The following AGBL4 variants were observed in gnomAD, a reference collection of about 807,000 sequenced individuals.
The protein encoded by AGBL4 is AGBL carboxypeptidase 4, also known as cytosolic carboxypeptidase 6.
In AGBL4, 58 loss-of-function variants were observed where a neutral mutation model predicts 66.4. That is an observed-to-expected ratio of 0.87 (90% confidence interval 0.71 to 1.09). The LOEUF (loss-of-function observed/expected upper bound fraction) is 1.09. AGBL4 is among the 50% of genes least tolerant of loss of function. AGBL4 has a pLI of 0.00. For missense variants in AGBL4, 579 were observed against 631.0 expected (o/e 0.92, Z 0.88); for synonymous variants, 234 against 222.9 (o/e 1.05, Z -0.44).
rs1652736858 is a variant in AGBL4, at chr1:49,258,248, C to G, written c.283-12384G>C. Among the ~76,000 whole-genome samples, 7 of 152,296 alleles carry G rather than the reference C, an allele frequency of 4.6e-5. No homozygotes were observed. In the South Asian group the frequency reaches 1.4e-3, roughly 32 times the overall value. The stretch of plus-strand genomic sequence containing the variant: ...AATGGAAACTCTAAAAAGCAGAGCG[C>G]CTCTCCTCCTCCAAAGGAACGCAGT... On this transcript the variant is annotated intron_variant, in intron 3 of 13. Transcript: ENST00000371839.
At chr1:49,715,108 C>T (rs1427574126) in intron 2 of AGBL4, among the ~76,000 whole-genome samples, 1 of 152,070 alleles carries the variant, frequency 6.6e-6, no homozygotes, top group Non-Finnish European at 1.5e-5. Context: ...TAATGCTATC[C>T]CTCCCCTAGC....
At chr1:48,619,536 C>T (rs1645374436) in intron 9 of AGBL4, among the ~76,000 whole-genome samples, 1 of 152,162 alleles carries the variant, frequency 6.6e-6, no homozygotes, top group Non-Finnish European at 1.5e-5. Context: ...TCTGCAGGGT[C>T]CTGAAGCCCT....
chr1:48,841,149 C>T (rs1259626598), intron 6 of AGBL4, among the ~76,000 whole-genome samples: 1 of 152,090 alleles, frequency 6.6e-6, no homozygotes, highest in Non-Finnish European at 1.5e-5. Context: ...ACAAGGGAGT[C>T]TTCTAGGGTG....
At chr1:49,144,447 TGGAGG>T (rs1329144417) in intron 4 of AGBL4, among the ~76,000 whole-genome samples, 7 of 142,286 alleles carry the variant, frequency 4.9e-5, no homozygotes, top group South Asian at 4.7e-4. Flanking sequence ...GGAAAGGAAA[TGGAGG>T]GGAGGGGAGG....
intron 3 of AGBL4, among the ~76,000 whole-genome samples, chr1:49,671,581 T>C (rs1240520589): frequency 6.6e-6 from 1 of 152,086 alleles, no homozygotes. Context: ...TTGCAAACTA[T>C]GCATCTGACA....
intron 4 of AGBL4, among the ~76,000 whole-genome samples, chr1:49,081,061 T>C (rs1265104692): frequency 6.6e-6 from 1 of 152,194 alleles, no homozygotes; most frequent in Non-Finnish European, 1.5e-5. Flanking sequence ...ATAGAAGTGC[T>C]GTTATAATGT....
chr1:49,601,870 A>G (rs973093533), intron 3 of AGBL4, among the ~76,000 whole-genome samples: 5 of 152,208 alleles, frequency 3.3e-5, no homozygotes, highest in African/African-American at 1.2e-4. Flanking sequence ...ATTAAACTAA[A>G]GAGCTTCTGC....
intron 3 of AGBL4, among the ~76,000 whole-genome samples, chr1:49,395,754 T>TATATACACACAC (rs1422589062): frequency 1.1e-4 from 16 of 143,134 alleles, no homozygotes; most frequent in Admixed American, 2.8e-4. Context: ...TATGTATATA[T>TATATACACACAC]ATATATATAC....
chr1:48,900,070 G>A (rs954039752), intron 5 of AGBL4, among the ~76,000 whole-genome samples: 4 of 152,152 alleles, frequency 2.6e-5, no homozygotes, highest in Non-Finnish European at 5.9e-5. Flanking sequence ...TGAGTGGGGT[G>A]GGGTTGGAGT....
At chr1:48,799,183 T>G (rs548798759) in intron 6 of AGBL4, among the ~76,000 whole-genome samples, 1 of 152,240 alleles carries the variant, frequency 6.6e-6, no homozygotes, top group Non-Finnish European at 1.5e-5. Context: ...GTTTCATCTG[T>G]GATTTCTTTC....
At chr1:48,966,180 C>G (rs1366874541) in intron 5 of AGBL4, among the ~76,000 whole-genome samples, 1 of 152,130 alleles carries the variant, frequency 6.6e-6, no homozygotes, top group Non-Finnish European at 1.5e-5. Context: ...CCCATGCTTT[C>G]TTCTAATCCA....
chr1:49,831,476 T>C (rs1035409464), intron 2 of AGBL4, among the ~76,000 whole-genome samples: 2 of 152,230 alleles, frequency 1.3e-5, no homozygotes, highest in Admixed American at 1.3e-4. Context: ...GAGACTTTGC[T>C]GAAGTTGCTT....
intron 11 of AGBL4, among the ~76,000 whole-genome samples, chr1:48,559,980 C>A (rs1644373189): frequency 1.3e-5 from 2 of 152,106 alleles, no homozygotes; most frequent in Non-Finnish European, 2.9e-5. Flanking sequence ...CTTTCACCTG[C>A]AGCATCCAGC....
chr1:49,637,541 G>C (rs1645699953), intron 3 of AGBL4, among the ~76,000 whole-genome samples: 1 of 152,136 alleles, frequency 6.6e-6, no homozygotes, highest in African/African-American at 2.4e-5. Flanking sequence ...GACCTCAGGC[G>C]ATCTGCATGC....
At chr1:49,508,123 T>A (rs912731611) in intron 3 of AGBL4, among the ~76,000 whole-genome samples, 37 of 151,970 alleles carry the variant, frequency 2.4e-4, no homozygotes, top group Admixed American at 2.4e-3. Flanking sequence ...ATCAATATTT[T>A]AATACATAAT....
intron 11 of AGBL4, among the ~76,000 whole-genome samples, chr1:48,550,553 C>A (rs950422565): frequency 3.9e-5 from 6 of 152,144 alleles, no homozygotes; most frequent in African/African-American, 1.2e-4. Flanking sequence ...TTAACCATAA[C>A]ATTTACAAAG....
At chr1:49,588,874 C>A (rs1359101620) in intron 3 of AGBL4, among the ~76,000 whole-genome samples, 2 of 152,096 alleles carry the variant, frequency 1.3e-5, no homozygotes, top group Non-Finnish European at 2.9e-5. Context: ...TTAACTTAAC[C>A]AAGACCACAT....
At chr1:48,628,211 C>T (rs1051917863) in intron 9 of AGBL4, among the ~76,000 whole-genome samples, 1 of 151,978 alleles carries the variant, frequency 6.6e-6, no homozygotes, top group Non-Finnish European at 1.5e-5. Flanking sequence ...TAATGCAGGC[C>T]CACTGAAAGA....
At chr1:49,533,075 T>C (rs1651265803) in intron 3 of AGBL4, among the ~76,000 whole-genome samples, 1 of 152,214 alleles carries the variant, frequency 6.6e-6, no homozygotes, top group African/African-American at 2.4e-5. Context: ...TAGAAGTTAC[T>C]ATGAACTCAT....
Sources: gnomAD v4.1 joint callset for allele counts (sites outside exome capture counted in the v4.1 genomes callset) on GRCh38, gnomAD v4.1.1 for gene constraint, MANE v1.5 for transcripts, NCBI Gene and HGNC (gene_info 2026-07-23, HGNC 2026-07-21) for gene names.